The following ITPRID2 variants were observed in gnomAD, a reference collection of about 807,000 sequenced individuals.
The protein encoded by ITPRID2 is protein ITPRID2.
Under a neutral mutation model 124.3 loss-of-function variants are expected in ITPRID2, and 60 were observed. The ratio of observed to expected loss-of-function variants is 0.48; its 90% CI spans 0.39 to 0.60. The LOEUF (loss-of-function observed/expected upper bound fraction) is 0.60, where lower values mean the gene tolerates loss of function less well. ITPRID2 is among the 20% of genes least tolerant of loss of function. ITPRID2 has a pLI of 0.00. For synonymous variants in ITPRID2, 521 were observed against 542.9 expected, an observed-to-expected ratio of 0.96 and a Z score of 0.56; for missense variants, 1,553 against 1,512.2, an observed-to-expected ratio of 1.03 and a Z score of -0.45.
intron 2 of ITPRID2, 133 bp from the exon 3 acceptor site, chr2:181,895,897 G>C: frequency 1.4e-6 from 1 of 721,432 alleles, no homozygotes; most frequent in African/African-American, 1.8e-5. Context: ...TGCATTCCTT[G>C]TGTGTTTTTG....
In ITPRID2 at chr2:181,905,149, A is replaced by C. The variant is rs1412620110; in HGVS notation, c.1413+2683A>C. On this transcript the variant is annotated intron_variant, in intron 8 of 17. Coordinates refer to ENST00000431877, the MANE Select transcript of ITPRID2 (RefSeq NM_001130445.3). This position sits in a 1 kb window ranked among gnomAD's most constrained non-coding sequence, Gnocchi z 4.1. ...ACTGCAACGTCTGCCTCCTGGGTTC[A>C]TGTAATTCTCCTGCCTCAGCTTCCT... is the stretch of plus-strand genomic sequence containing the variant. Among the ~76,000 whole-genome samples the C allele has an allele frequency of 6.7e-6, 1 of 149,632 alleles. No homozygotes were observed. The highest frequency in any genetic ancestry group is 1.5e-5 in the Non-Finnish European group (1 of 67,796).
intron 5 of ITPRID2, 35 bp from the exon 6 acceptor site, chr2:181,898,979 T>C: frequency 6.3e-7 from 1 of 1,594,934 alleles, no homozygotes; most frequent in Non-Finnish European, 8.6e-7. Context: ...GAAAATAAAG[T>C]TATAAAGTTT....
intron 15 of ITPRID2, 121 bp from the exon 16 acceptor site, chr2:181,921,827 A>C: frequency 8.1e-6 from 7 of 861,730 alleles, no homozygotes; most frequent in Non-Finnish European, 1.2e-5. Context: ...AATTAATGGA[A>C]TAGATTTATG....
Position 181,916,188 on chromosome 2 carries a change from C to G in ITPRID2, c.2548C>G (p.His850Asp), listed in dbSNP as rs769512161. The G allele has an allele frequency of 6.2e-7, 1 of 1,614,078 alleles. No homozygotes were observed. The highest frequency in any genetic ancestry group is 2.2e-5 in the East Asian group (1 of 44,890). ...SQSTCSLHSI[H>D]SEWQERPLCE... ...GTCTACCTGTTCCCTTCATTCCATC[C>G]ACTCTGAGTGGCAAGAAAGGCCCCT... Residue 850 changes from histidine to aspartate, a missense_variant, in exon 11 of 18, where the codon CAC becomes GAC. Physicochemically the swap from His to Asp is moderately conservative, Grantham distance 81. Coordinates refer to ENST00000431877, the MANE Select transcript of ITPRID2 (RefSeq NM_001130445.3).
At chr2:181,912,669 T>C (rs1693696703) in intron 9 of ITPRID2, among the ~76,000 whole-genome samples, 1 of 152,222 alleles carries the variant, frequency 6.6e-6, no homozygotes, top group African/African-American at 2.4e-5. Flanking sequence ...TATTTAGCCT[T>C]TTGCTTTTGA....
intron 16 of ITPRID2, among the ~76,000 whole-genome samples, chr2:181,923,251 A>T (rs114624552): frequency 6.6e-6 from 1 of 152,210 alleles, no homozygotes; most frequent in Non-Finnish European, 1.5e-5. Context: ...GCTCAATGCA[A>T]TTATCTCTGT....
intron 10 of ITPRID2, among the ~76,000 whole-genome samples, chr2:181,914,636 T>C (rs1332646049): frequency 6.6e-6 from 1 of 152,214 alleles, no homozygotes; most frequent in Non-Finnish European, 1.5e-5. Flanking sequence ...TGTTGACTGG[T>C]TTTCAAATAT....
intron 16 of ITPRID2, among the ~76,000 whole-genome samples, chr2:181,926,582 G>A (rs1694879609): frequency 1.3e-5 from 2 of 151,924 alleles, no homozygotes; most frequent in Non-Finnish European, 1.5e-5. Context: ...GCGTGGTGGC[G>A]GGTGCCTGTA....
intron 6 of ITPRID2, among the ~76,000 whole-genome samples, chr2:181,899,733 A>G (rs1273986947): frequency 6.6e-6 from 1 of 152,148 alleles, no homozygotes; most frequent in Non-Finnish European, 1.5e-5. Flanking sequence ...AGTCACAACC[A>G]CTTGGAAGGC....
At position 181,910,036 on chromosome 2, in the gene ITPRID2, G is replaced by T; in HGVS notation, c.1486+65G>T. On this transcript the variant is annotated intron_variant, in intron 9 of 17. Transcript: ENST00000431877. This position sits in a 1 kb window ranked among gnomAD's most constrained non-coding sequence, Gnocchi z 4.1. ...AAATATTAGTTGATTTGGAAAAGGG[G>T]TTTTATGTATCAGTATTTGTAGTAT... 3.2e-6 allele frequency: 4 copies of T among 1,250,116 alleles called. No individual in the cohort carries two copies. The highest frequency in any genetic ancestry group is 3.5e-6 in the Non-Finnish European group (3 of 861,034). 77.4% of individuals were successfully genotyped at this position (1,250,116 alleles called of 1,614,324 possible). A position where few individuals can be genotyped will look rare whatever the true frequency, so the allele number is the denominator to read the frequency against.
At chr2:181,927,703 G>A (rs756072164) in intron 16 of ITPRID2, among the ~76,000 whole-genome samples, 1 of 152,090 alleles carries the variant, frequency 6.6e-6, no homozygotes, top group Non-Finnish European at 1.5e-5. Context: ...TAGATACCTT[G>A]CTGTCAGTTG....
At chr2:181,920,688 T>C in intron 15 of ITPRID2, 26 bp downstream of exon 15, 1 of 1,559,426 alleles carries the variant, frequency 6.4e-7, no homozygotes, top group Non-Finnish European at 8.8e-7. Context: ...CTTAAATCAC[T>C]GGGGAAGGGA....
At position 181,909,970 on chromosome 2, in the gene ITPRID2, A is replaced by T. The variant is rs1693472468; in HGVS notation, c.1485A>T (p.Arg495Ser). The change falls in exon 9 of 18, where the codon AGA becomes AGT. Residue 495 changes from arginine (R) to serine (S), a missense_variant and splice_region_variant. Arg to Ser is a moderately radical substitution (Grantham distance 110). Coordinates refer to ENST00000431877, the MANE Select transcript of ITPRID2 (RefSeq NM_001130445.3). ...TYQLGLTKSK[R>S]DHLLRTASQH... ...AGCTAGGTCTTACGAAGTCGAAAAG[A>T]GGTAAGTGGACCAGTATCCACTAGT... 3.1e-6 allele frequency: 5 copies of T among 1,611,180 alleles called. No homozygotes were observed. The highest frequency in any genetic ancestry group is 3.4e-6 in the Non-Finnish European group (4 of 1,177,822).
chr2:181,895,945 G>A (rs2125061123), intron 2 of ITPRID2, 85 bp from the exon 3 acceptor site: 1 of 1,121,894 alleles, frequency 8.9e-7, no homozygotes, highest in Admixed American at 1.8e-5. Flanking sequence ...TTATTGAGCT[G>A]TAACTCTTTA....
At chr2:181,914,832 C>G (rs11695458) in intron 10 of ITPRID2, among the ~76,000 whole-genome samples, 6 of 152,022 alleles carry the variant, frequency 3.9e-5, no homozygotes, top group African/African-American at 1.4e-4. Context: ...TGGAGGGATT[C>G]GCTTTGAGTT....
Position 181,913,192 on chromosome 2 carries a change from C to G in ITPRID2, c.1487-653C>G, listed in dbSNP as rs183225962. Among the ~76,000 whole-genome samples, 35 of 152,184 alleles carry G rather than the reference C, an allele frequency of 2.3e-4. No individual in the cohort carries two copies. The East Asian group carries it at 6.4e-3, about 28-fold the overall frequency. On this transcript the variant is annotated intron_variant, in intron 9 of 17. Coordinates refer to ENST00000431877, the MANE Select transcript of ITPRID2 (RefSeq NM_001130445.3). ...ACTCCATTCTCCTGCCTCAGCCTCT[C>G]GAGTAGCTGGGACTACAGGCACCCG...
chr2:181,917,052 T>C (rs1694118348), intron 11 of ITPRID2: 4 of 972,272 alleles, frequency 4.1e-6, no homozygotes, highest in Non-Finnish European at 4.9e-6. Context: ...CTTGTCACTT[T>C]TAAAGTCATT....
Position 181,896,522 on chromosome 2 carries a change from T to TA in ITPRID2, c.308-379dup, listed in dbSNP as rs1324483345. ...CATGTGCAGGCAGTGGCAAGGCATA[T>TA]AAAAAAACATTTACAGTGTCAGGAA... On this transcript the variant is annotated intron_variant, in intron 3 of 17. Coordinates refer to ENST00000431877, the MANE Select transcript of ITPRID2 (RefSeq NM_001130445.3). This position sits in a 1 kb window ranked among gnomAD's most constrained non-coding sequence, Gnocchi z 4.3. Among the ~76,000 whole-genome samples the TA allele has an allele frequency of 6.6e-6, 1 of 151,900 alleles. No homozygotes were observed. Among genetic ancestry groups the TA allele is most frequent in the Non-Finnish European group, 1.5e-5 (1 of 67,854 alleles).
At position 181,892,564 on chromosome 2, in the gene ITPRID2, C is replaced by T. The variant is rs140196441; in HGVS notation, c.212-51C>T. On this transcript the variant is annotated intron_variant, in intron 1 of 17. Transcript: ENST00000431877. The surrounding 1 kb of genome is among the most constrained non-coding windows in gnomAD (Gnocchi z 5.2). ...TTGGGAGGGTCCAGGGTGACTCCGC[C>T]GTCGTAGTGCTCCTGGGTGGTAACG... 14 of 1,610,728 alleles carry T rather than the reference C, an allele frequency of 8.7e-6. 1 individual carries two copies. The South Asian group carries it at 1.2e-4, about 14-fold the overall frequency.
Sources: gnomAD v4.1 joint callset for allele counts (sites outside exome capture counted in the v4.1 genomes callset) on GRCh38, gnomAD v4.1.1 for gene constraint, Gnocchi (gnomAD v3.1) non-coding constraint, MANE v1.5 for transcripts, NCBI Gene and HGNC (gene_info 2026-07-23, HGNC 2026-07-21) for gene names.